The following GABRG3 variants were observed in gnomAD, a reference collection of about 807,000 sequenced individuals.
The protein encoded by GABRG3 is gamma-aminobutyric acid receptor subunit gamma-3.
Under a neutral mutation model 48.8 loss-of-function variants are expected in GABRG3, and 25 were observed. The observed-to-expected ratio is 0.51, with a 90% CI of 0.37 to 0.72. The LOEUF (loss-of-function observed/expected upper bound fraction) is 0.72. GABRG3 is among the 30% of genes least tolerant of loss of function. GABRG3 has a pLI of 0.00. For missense variants in GABRG3, 394 were observed against 577.9 expected (o/e 0.68, Z 3.26); for synonymous variants, 227 against 217.6 (o/e 1.04, Z -0.38).
chr15:27,306,333 CAT>C (rs201300009), intron 3 of GABRG3, among the ~76,000 whole-genome samples: 11,721 of 129,606 alleles, frequency 0.09, 2,113 homozygotes, highest in African/African-American at 0.31. Context: ...TATATATAAA[CAT>C]AAAATATAAA....
chr15:27,412,225 G>A (rs1887818180), intron 5 of GABRG3, among the ~76,000 whole-genome samples: 1 of 151,980 alleles, frequency 6.6e-6, no homozygotes, highest in South Asian at 2.1e-4. Context: ...TTCCCCAATG[G>A]TGACATCCTG....
intron 3 of GABRG3, among the ~76,000 whole-genome samples, chr15:27,258,598 T>G (rs1246868278): frequency 1.3e-5 from 2 of 152,180 alleles, no homozygotes; most frequent in African/African-American, 4.8e-5. Flanking sequence ...AGCACTTTCT[T>G]TGCCCTTTTA....
intron 5 of GABRG3, among the ~76,000 whole-genome samples, chr15:27,458,459 G>A (rs925203073): frequency 2.0e-5 from 3 of 152,198 alleles, no homozygotes; most frequent in Non-Finnish European, 2.9e-5. Context: ...TACTGGGAAT[G>A]TAATCATCTT....
At chr15:27,451,811 A>G (rs866978846) in intron 5 of GABRG3, among the ~76,000 whole-genome samples, 1 of 152,190 alleles carries the variant, frequency 6.6e-6, no homozygotes, top group South Asian at 2.1e-4. Context: ...TATCCAAAAT[A>G]TGAAAGGAAC....
intron 6 of GABRG3, among the ~76,000 whole-genome samples, chr15:27,504,714 A>G (rs1251861523): frequency 6.6e-6 from 1 of 151,774 alleles, no homozygotes; most frequent in Non-Finnish European, 1.5e-5. Context: ...TTCCCCCACC[A>G]CCGCCCCAAC....
intron 2 of GABRG3, among the ~76,000 whole-genome samples, chr15:27,006,799 C>T (rs1221359897): frequency 6.6e-6 from 1 of 151,824 alleles, no homozygotes; most frequent in Admixed American, 6.6e-5. Context: ...GGATAATGGT[C>T]TCCAACTCTA....
intron 3 of GABRG3, among the ~76,000 whole-genome samples, chr15:27,305,554 A>C (rs1028016749): frequency 6.9e-6 from 1 of 145,642 alleles, no homozygotes; most frequent in African/African-American, 2.5e-5. Flanking sequence ...TATAAACATA[A>C]TATAAACCTA....
Position 27,123,405 on chromosome 15 carries a change from A to G in GABRG3, c.270+96584A>G, listed in dbSNP as rs74004704. Among the ~76,000 whole-genome samples, 839 of 152,250 alleles carry G rather than the reference A, an allele frequency of 5.5e-3. 6 individuals are homozygous for G. Among genetic ancestry groups the G allele is most frequent in the African/African-American group, 0.017 (689 of 41,532 alleles). On this transcript the variant is annotated intron_variant, in intron 3 of 9. Coordinates refer to ENST00000615808, the MANE Select transcript of GABRG3 (RefSeq NM_033223.5). Reference sequence around the variant, plus strand: ...TTATGAATGGGATTAGTGTGCTTATAAAAGAGGCCTGTGGGAACTCACTCA... The same window carrying G: ...TTATGAATGGGATTAGTGTGCTTATGAAAGAGGCCTGTGGGAACTCACTCA...
intron 5 of GABRG3, among the ~76,000 whole-genome samples, chr15:27,346,924 T>C (rs1402909062): frequency 6.6e-6 from 1 of 152,242 alleles, no homozygotes; most frequent in Non-Finnish European, 1.5e-5. Flanking sequence ...CTGTGGCATA[T>C]AGGAATGTGG....
chr15:27,285,177 A>G (rs1401009285), intron 3 of GABRG3, among the ~76,000 whole-genome samples: 2 of 151,260 alleles, frequency 1.3e-5, no homozygotes, highest in Admixed American at 6.6e-5. Context: ...TTTAGACTGA[A>G]GTTTTTCTAT....
intron 6 of GABRG3, among the ~76,000 whole-genome samples, chr15:27,514,551 A>G (rs1012172777): frequency 2.0e-5 from 3 of 152,200 alleles, no homozygotes; most frequent in East Asian, 3.8e-4. Flanking sequence ...GATTAACTTG[A>G]AATCAACAGA....
intron 3 of GABRG3, among the ~76,000 whole-genome samples, chr15:27,101,745 G>C (rs1007853905): frequency 6.6e-6 from 1 of 150,912 alleles, no homozygotes; most frequent in African/African-American, 2.4e-5. Flanking sequence ...CTAGACCAGG[G>C]GTGTCCAATC....
At chr15:27,157,406 C>T (rs116116579) in intron 3 of GABRG3, among the ~76,000 whole-genome samples, 33 of 152,284 alleles carry the variant, frequency 2.2e-4, no homozygotes, top group Middle Eastern at 3.4e-3. Context: ...AATCATTTGT[C>T]ATTTGACAGC....
chr15:27,405,252 A>G (rs1887595799), intron 5 of GABRG3, among the ~76,000 whole-genome samples: 1 of 152,250 alleles, frequency 6.6e-6, no homozygotes. Flanking sequence ...TGAATAAAAT[A>G]GAAACATTAA....
chr15:27,103,392 C>A (rs938897703), intron 3 of GABRG3, among the ~76,000 whole-genome samples: 1 of 152,112 alleles, frequency 6.6e-6, no homozygotes, highest in Admixed American at 6.5e-5. Context: ...CCCTGAGTAT[C>A]CCCACAGCAG....
intron 6 of GABRG3, among the ~76,000 whole-genome samples, chr15:27,500,135 C>T (rs1158417050): frequency 6.6e-6 from 1 of 152,042 alleles, no homozygotes. Flanking sequence ...AGAGAGTGAC[C>T]AGGAAATGAA....
At chr15:27,038,605 A>G (rs559643495) in intron 3 of GABRG3, among the ~76,000 whole-genome samples, 1 of 152,310 alleles carries the variant, frequency 6.6e-6, no homozygotes, top group Admixed American at 6.5e-5. Flanking sequence ...AAGCTGGGAA[A>G]GTGGCACAGA....
intron 6 of GABRG3, among the ~76,000 whole-genome samples, chr15:27,487,126 A>T (rs568129479): frequency 1.1e-4 from 17 of 152,220 alleles, no homozygotes; most frequent in African/African-American, 3.4e-4. Context: ...AATCTTTCAA[A>T]CCCACTGTGA....
intron 5 of GABRG3, among the ~76,000 whole-genome samples, chr15:27,342,815 G>A (rs1234197851): frequency 6.6e-6 from 1 of 152,146 alleles, no homozygotes; most frequent in Non-Finnish European, 1.5e-5. Context: ...CTGGACCAGG[G>A]GCTCCTGGAC....
Sources: gnomAD v4.1 joint callset for allele counts (sites outside exome capture counted in the v4.1 genomes callset) on GRCh38, gnomAD v4.1.1 for gene constraint, MANE v1.5 for transcripts, NCBI Gene and HGNC (gene_info 2026-07-23, HGNC 2026-07-21) for gene names.